ROBO1: variants seen among roughly 807,000 people sequenced by gnomAD.
ROBO1 encodes roundabout guidance receptor 1, also known as roundabout homolog 1.
ROBO1 carries 149 observed loss-of-function variants against 195.9 expected under a neutral mutation model. The observed-to-expected ratio is 0.76, with a 90% CI of 0.67 to 0.87. The LOEUF is 0.87. Ranked by LOEUF, ROBO1 falls within the 40% of genes least tolerant of loss-of-function variation. ROBO1 has a pLI of 0.00. For synonymous variants in ROBO1, 816 were observed against 733.2 expected (o/e 1.11, Z -1.82); for missense variants, 1,933 against 2,068.3 (o/e 0.93, Z 1.27).
At chr3:78,600,908 A>G (rs1414531439) in intron 29 of ROBO1, among the ~76,000 whole-genome samples, 2 of 152,054 alleles carry the variant, frequency 1.3e-5, no homozygotes, top group African/African-American at 2.4e-5. Context: ...CAAAATATCA[A>G]CCTCCACGTC....
At chr3:78,757,433 G>GCA (rs34283910) in intron 4 of ROBO1, among the ~76,000 whole-genome samples, 87,454 of 149,722 alleles carry the variant, frequency 0.58, 26,954 homozygotes, top group East Asian at 0.72. Context: ...ATGCGCACAT[G>GCA]CACACACACA....
intron 1 of ROBO1, among the ~76,000 whole-genome samples, chr3:79,730,838 C>T (rs577373562): frequency 3.0e-5 from 4 of 135,348 alleles, no homozygotes; most frequent in Non-Finnish European, 4.5e-5. Flanking sequence ...AGTGCAGTAG[C>T]GCAGTCTTGG....
At chr3:79,612,772 G>A (rs1430455630) in intron 1 of ROBO1, among the ~76,000 whole-genome samples, 1 of 11,542 alleles carries the variant, frequency 8.7e-5, no homozygotes, top group Non-Finnish European at 1.9e-4. Flanking sequence ...GCATTTCTCT[G>A]ATGGCCAGTG....
chr3:79,706,210 G>A (rs186305142), intron 1 of ROBO1, among the ~76,000 whole-genome samples: 62 of 152,104 alleles, frequency 4.1e-4, no homozygotes, highest in African/African-American at 1.4e-3. Flanking sequence ...GGTGGGAATG[G>A]GCATCATTGC....
chr3:78,905,134 A>C (rs1237883190), intron 4 of ROBO1, among the ~76,000 whole-genome samples: 1 of 152,124 alleles, frequency 6.6e-6, no homozygotes, highest in Non-Finnish European at 1.5e-5. Context: ...AGAAATATTA[A>C]ATTTTGAGAG....
At chr3:78,626,756 T>TACACAC (rs10608986) in intron 26 of ROBO1, among the ~76,000 whole-genome samples, 2 of 146,440 alleles carry the variant, frequency 1.4e-5, no homozygotes, top group Admixed American at 1.4e-4. Context: ...AGCACACACA[T>TACACAC]ACACACACAC....
intron 2 of ROBO1, among the ~76,000 whole-genome samples, chr3:79,549,216 T>A (rs1942384612): frequency 6.6e-6 from 1 of 152,242 alleles, no homozygotes; most frequent in African/African-American, 2.4e-5. Context: ...ACCATTTATG[T>A]TTCAGATAGA....
At chr3:79,297,661 C>T (rs752362892) in intron 2 of ROBO1, among the ~76,000 whole-genome samples, 1 of 151,942 alleles carries the variant, frequency 6.6e-6, no homozygotes, top group Non-Finnish European at 1.5e-5. Context: ...ATGGATGCTT[C>T]GTGTAAACAA....
At chr3:78,671,537 A>T (rs1296833984) in intron 10 of ROBO1, among the ~76,000 whole-genome samples, 2 of 151,978 alleles carry the variant, frequency 1.3e-5, no homozygotes, top group Non-Finnish European at 2.9e-5. Context: ...AGCTGGAGTC[A>T]CACTTCAATT....
intron 2 of ROBO1, among the ~76,000 whole-genome samples, chr3:79,441,806 G>A (rs1272323243): frequency 6.6e-6 from 1 of 152,064 alleles, no homozygotes; most frequent in Non-Finnish European, 1.5e-5. Flanking sequence ...AGTCATACTA[G>A]GCAGGACGCT....
chr3:79,515,182 C>T (rs1172955864), intron 2 of ROBO1, among the ~76,000 whole-genome samples: 1 of 152,110 alleles, frequency 6.6e-6, no homozygotes, highest in Non-Finnish European at 1.5e-5. Flanking sequence ...AAAAATAGCC[C>T]AAACCAGTGC....
intron 2 of ROBO1, among the ~76,000 whole-genome samples, chr3:79,189,821 T>C (rs2081505529): frequency 6.6e-6 from 1 of 151,690 alleles, no homozygotes; most frequent in Non-Finnish European, 1.5e-5. Context: ...TAAAGAAACA[T>C]AAATAGAGCA....
chr3:79,090,709 A>C (rs1184448111), intron 3 of ROBO1, among the ~76,000 whole-genome samples: 1 of 152,136 alleles, frequency 6.6e-6, no homozygotes, highest in Non-Finnish European at 1.5e-5. Context: ...CCTAATGTGT[A>C]TAATACCTAG....
chr3:78,618,743 T>C (rs549803339), intron 26 of ROBO1, among the ~76,000 whole-genome samples: 1 of 152,318 alleles, frequency 6.6e-6, no homozygotes, highest in Non-Finnish European at 1.5e-5. Context: ...TATTTAAAGG[T>C]ATTTTTTCTT....
At chr3:79,721,347 G>C (rs1702693350) in intron 1 of ROBO1, among the ~76,000 whole-genome samples, 1 of 151,876 alleles carries the variant, frequency 6.6e-6, no homozygotes, top group Non-Finnish European at 1.5e-5. Context: ...GAAACTATGA[G>C]ACTATTGTTT....
intron 2 of ROBO1, among the ~76,000 whole-genome samples, chr3:79,323,052 C>T (rs1473903817): frequency 1.3e-5 from 2 of 150,392 alleles, no homozygotes; most frequent in Non-Finnish European, 3.0e-5. Context: ...TTAAAAAATG[C>T]TTACATGCTT....
chr3:78,962,407 T>C (rs1230863368), intron 3 of ROBO1, among the ~76,000 whole-genome samples: 1 of 152,190 alleles, frequency 6.6e-6, no homozygotes, highest in African/African-American at 2.4e-5. Context: ...GCATGGTAAA[T>C]CACTTGCACA....
intron 2 of ROBO1, among the ~76,000 whole-genome samples, chr3:79,322,988 C>T (rs2034050506): frequency 6.6e-6 from 1 of 151,842 alleles, no homozygotes; most frequent in South Asian, 2.1e-4. Context: ...TTTAGGATAT[C>T]CTTCAGTTAT....
chr3:79,742,262 C>T (rs1703678597), intron 1 of ROBO1, among the ~76,000 whole-genome samples: 1 of 152,170 alleles, frequency 6.6e-6, no homozygotes. Context: ...AACAGACCCT[C>T]CTGTTACAGG....
Sources: gnomAD v4.1 joint callset for allele counts (sites outside exome capture counted in the v4.1 genomes callset) on GRCh38, gnomAD v4.1.1 for gene constraint, MANE v1.5 for transcripts, NCBI Gene and HGNC (gene_info 2026-07-23, HGNC 2026-07-21) for gene names.